GPC6: variants seen among roughly 807,000 people sequenced by gnomAD.
The protein encoded by GPC6 is glypican-6.
Under a neutral mutation model 55.2 loss-of-function variants are expected in GPC6, and 14 were observed. The observed-to-expected ratio is 0.25, with a 90% CI of 0.17 to 0.40. The LOEUF is 0.40. Among genes scored for constraint, GPC6 ranks in the 10% least tolerant of loss-of-function variants. The pLI is 1.00. For synonymous variants in GPC6, 278 were observed against 259.6 expected (o/e 1.07, Z -0.68); for missense variants, 641 against 708.5 (o/e 0.90, Z 1.08).
chr13:93,893,976 T>C (rs1875844488), intron 3 of GPC6, among the ~76,000 whole-genome samples: 1 of 152,196 alleles, frequency 6.6e-6, no homozygotes, highest in Non-Finnish European at 1.5e-5. Flanking sequence ...CATGTAAATA[T>C]CAGATGCTTT....
the GPC6 span, among the ~76,000 whole-genome samples, chr13:93,216,910 G>A: frequency 5.3e-5 from 8 of 152,304 alleles, no homozygotes; most frequent in South Asian, 1.0e-3. Context: ...TTTGTGGCCT[G>A]TGAAAATGCA....
upstream of GPC6, among the ~76,000 whole-genome samples, chr13:93,225,503 GT>G (rs1875744717): frequency 8.8e-5 from 1 of 11,394 alleles, no homozygotes; most frequent in Non-Finnish European, 2.7e-3. Context: ...TTTTTGTTTT[GT>G]TTTGTTTTTT....
chr13:93,227,666 C>G lies in GPC6; in HGVS notation c.160+50C>G, dbSNP rs1403924269. 20 of 1,468,382 alleles carry G rather than the reference C, an allele frequency of 1.4e-5. No homozygotes were observed. Among genetic ancestry groups the G allele is most frequent in the Non-Finnish European group, 1.8e-5 (20 of 1,082,142 alleles). The allele number at this position is 1,468,382 out of a possible 1,614,324, so 91.0% of individuals were successfully genotyped here. A position where few individuals can be genotyped will look rare whatever the true frequency, so the allele number is the denominator to read the frequency against. ...CAGGCTGCAGCCCTCGGCTGCCGCACGTCCCACTGGCCGCCCGGCGTCCCC... is the reference window on the plus strand; with the variant it reads ...CAGGCTGCAGCCCTCGGCTGCCGCAGGTCCCACTGGCCGCCCGGCGTCCCC... On this transcript the variant is annotated intron_variant, in intron 1 of 8. Transcript: ENST00000377047. This position sits in a 1 kb window ranked among gnomAD's most constrained non-coding sequence, Gnocchi z 4.3.
chr13:94,365,753 C>T (rs764912293), intron 6 of GPC6, among the ~76,000 whole-genome samples: 98 of 152,232 alleles, frequency 6.4e-4, no homozygotes, highest in Middle Eastern at 6.8e-3. Context: ...CAATATCTTA[C>T]GTAAGATAAG....
intron 3 of GPC6, among the ~76,000 whole-genome samples, chr13:93,851,165 G>T (rs951232815): frequency 3.3e-5 from 5 of 151,932 alleles, no homozygotes; most frequent in Non-Finnish European, 5.9e-5. Context: ...TGAGCAGCTG[G>T]ATACCTGTAT....
At chr13:93,216,776 T>C in the GPC6 span, among the ~76,000 whole-genome samples, 1 of 152,218 alleles carries the variant, frequency 6.6e-6, no homozygotes, top group Non-Finnish European at 1.5e-5. Flanking sequence ...AAAATTCTTA[T>C]GTGACTAAAT....
intron 4 of GPC6, among the ~76,000 whole-genome samples, chr13:94,274,738 A>G (rs1314077972): frequency 7.0e-6 from 1 of 143,316 alleles, no homozygotes; most frequent in African/African-American, 2.7e-5. Flanking sequence ...GTAAAGCCAA[A>G]AATATCAACA....
At chr13:93,985,538 C>CT (rs1880985785) in intron 3 of GPC6, among the ~76,000 whole-genome samples, 3 of 151,050 alleles carry the variant, frequency 2.0e-5, no homozygotes, top group Non-Finnish European at 3.0e-5. Flanking sequence ...AACCAAAAAA[C>CT]TAAAAAAAGG....
At chr13:93,370,201 G>A (rs1399214306) in intron 1 of GPC6, among the ~76,000 whole-genome samples, 2 of 152,040 alleles carry the variant, frequency 1.3e-5, no homozygotes, top group African/African-American at 2.4e-5. Context: ...GAATTGGCAT[G>A]CCCTTTGGGT....
intron 6 of GPC6, among the ~76,000 whole-genome samples, chr13:94,320,462 T>A (rs911286366): frequency 3.3e-5 from 5 of 152,202 alleles, no homozygotes; most frequent in Admixed American, 2.0e-4. Context: ...TTGTGTGAGT[T>A]TATATTCCTT....
At chr13:93,561,046 G>GA (rs1175715582) in intron 2 of GPC6, among the ~76,000 whole-genome samples, 1 of 152,088 alleles carries the variant, frequency 6.6e-6, no homozygotes, top group African/African-American at 2.4e-5. Context: ...GTAATATAAT[G>GA]AAAGCAAGCA....
chr13:94,081,587 T>TTAAGTGG (rs1321054405), intron 4 of GPC6, among the ~76,000 whole-genome samples: 1 of 152,124 alleles, frequency 6.6e-6, no homozygotes, highest in African/African-American at 2.4e-5. Flanking sequence ...AAGTGGCACC[T>TTAAGTGG]CATTGCAAGC....
intron 1 of GPC6, among the ~76,000 whole-genome samples, chr13:93,261,759 T>G (rs1452036782): frequency 2.0e-5 from 3 of 152,144 alleles, no homozygotes; most frequent in Non-Finnish European, 4.4e-5. Flanking sequence ...CAGATAAGCT[T>G]CTTAACTGGT....
chr13:94,170,756 T>C (rs1432584404), intron 4 of GPC6, among the ~76,000 whole-genome samples: 2 of 152,238 alleles, frequency 1.3e-5, no homozygotes, highest in African/African-American at 2.4e-5. Context: ...GAGTTTTCAG[T>C]AAATTGAATT....
chr13:93,853,974 C>A (rs1888510765), intron 3 of GPC6, among the ~76,000 whole-genome samples: 1 of 151,624 alleles, frequency 6.6e-6, no homozygotes, highest in Admixed American at 6.6e-5. Flanking sequence ...TAGCCTTTTC[C>A]ATAAATCATG....
At chr13:93,602,805 A>C (rs1392368713) in intron 2 of GPC6, among the ~76,000 whole-genome samples, 1 of 152,208 alleles carries the variant, frequency 6.6e-6, no homozygotes, top group Non-Finnish European at 1.5e-5. Context: ...AATAATTGTT[A>C]AGTACACACT....
At chr13:93,798,942 GACA>G (rs1555332322) in intron 2 of GPC6, among the ~76,000 whole-genome samples, 2 of 123,900 alleles carry the variant, frequency 1.6e-5, no homozygotes, top group Non-Finnish European at 3.5e-5. Flanking sequence ...AAAAAATGGT[GACA>G]ACAATTTAGT....
chr13:93,476,749 G>A (rs895888932), intron 1 of GPC6, among the ~76,000 whole-genome samples: 2 of 152,028 alleles, frequency 1.3e-5, no homozygotes, highest in Non-Finnish European at 2.9e-5. Context: ...AATATTAAAT[G>A]ACTTTTTTTT....
chr13:93,972,651 G>C (rs560936891), intron 3 of GPC6, among the ~76,000 whole-genome samples: 1 of 152,072 alleles, frequency 6.6e-6, no homozygotes, highest in Admixed American at 6.6e-5. Flanking sequence ...CCTATGTTTA[G>C]AAAATAAAAA....
Sources: gnomAD v4.1 joint callset for allele counts (sites outside exome capture counted in the v4.1 genomes callset) on GRCh38, gnomAD v4.1.1 for gene constraint, Gnocchi (gnomAD v3.1) non-coding constraint, MANE v1.5 for transcripts, NCBI Gene and HGNC (gene_info 2026-07-23, HGNC 2026-07-21) for gene names.